Variants in GRID2 observed in about 807,000 individuals in gnomAD.
GRID2 encodes glutamate ionotropic receptor delta type subunit 2.
A neutral mutation model predicts 114.8 loss-of-function variants in GRID2; 33 were observed. The observed-to-expected ratio is 0.29, with a 90% CI of 0.22 to 0.38. The LOEUF (loss-of-function observed/expected upper bound fraction) is 0.38, where lower values mean the gene tolerates loss of function less well. Among genes scored for constraint, GRID2 ranks in the 10% least tolerant of loss-of-function variants. The pLI is 1.00. For synonymous variants in GRID2, 505 were observed against 449.9 expected (o/e 1.12, Z -1.55); for missense variants, 1,184 against 1,257.7 (o/e 0.94, Z 0.89).
chr4:92,843,684 G>A (rs913131861), intron 2 of GRID2, among the ~76,000 whole-genome samples: 2 of 152,024 alleles, frequency 1.3e-5, no homozygotes, highest in Non-Finnish European at 2.9e-5. Flanking sequence ...TCTGTTGAAC[G>A]ACTTGAGGAA....
At chr4:92,597,270 T>C (rs945119768) in intron 2 of GRID2, among the ~76,000 whole-genome samples, 3 of 152,136 alleles carry the variant, frequency 2.0e-5, no homozygotes, top group African/African-American at 7.2e-5. Context: ...TTAATGAAGA[T>C]ACAAATTGCA....
chr4:92,768,303 C>A (rs1012763637), intron 2 of GRID2, among the ~76,000 whole-genome samples: 2 of 151,874 alleles, frequency 1.3e-5, no homozygotes, highest in African/African-American at 4.8e-5. Flanking sequence ...TTATTTTTTA[C>A]CTTTGAAAAA....
chr4:92,910,786 C>A (rs895183934), intron 2 of GRID2, among the ~76,000 whole-genome samples: 1 of 152,020 alleles, frequency 6.6e-6, no homozygotes, highest in Non-Finnish European at 1.5e-5. Context: ...TTTAAATCAT[C>A]TCTAGCTCAC....
intron 3 of GRID2, among the ~76,000 whole-genome samples, chr4:93,092,243 C>G (rs1730855078): frequency 6.6e-6 from 1 of 152,068 alleles, no homozygotes; most frequent in Admixed American, 6.6e-5. Flanking sequence ...ATACATTTGT[C>G]AGGCTGAAAA....
chr4:92,506,962 C>T (rs1244833860), intron 1 of GRID2, among the ~76,000 whole-genome samples: 1 of 151,902 alleles, frequency 6.6e-6, no homozygotes, highest in African/African-American at 2.4e-5. Flanking sequence ...GCTTCTACTG[C>T]TAAATGGATT....
chr4:92,455,157 A>G (rs888794865), intron 1 of GRID2, among the ~76,000 whole-genome samples: 5 of 152,208 alleles, frequency 3.3e-5, no homozygotes, highest in Non-Finnish European at 4.4e-5. Flanking sequence ...AAGGCACTAG[A>G]ATTTATGTGA....
chr4:93,011,191 G>T (rs1055191534), intron 2 of GRID2, among the ~76,000 whole-genome samples: 3 of 151,300 alleles, frequency 2.0e-5, no homozygotes, highest in Non-Finnish European at 4.4e-5. Flanking sequence ...GGAAGGAAGA[G>T]AATTTTCATC....
intron 2 of GRID2, among the ~76,000 whole-genome samples, chr4:92,766,787 T>A (rs1738291764): frequency 6.6e-6 from 1 of 152,202 alleles, no homozygotes; most frequent in African/African-American, 2.4e-5. Flanking sequence ...GAGAAATAAC[T>A]TTATCTCTGT....
chr4:93,057,428 T>TTTG (rs560484953), intron 2 of GRID2, among the ~76,000 whole-genome samples: 1 of 151,868 alleles, frequency 6.6e-6, no homozygotes, highest in African/African-American at 2.4e-5. Flanking sequence ...CTTTGAATTT[T>TTTG]TTGTTGTTGT....
chr4:92,600,003 C>A (rs184021329), intron 2 of GRID2, among the ~76,000 whole-genome samples: 1 of 130,032 alleles, frequency 7.7e-6, no homozygotes, highest in South Asian at 2.5e-4. Flanking sequence ...CCAGCCTGGG[C>A]GACAGGGCAA....
At chr4:93,804,782 C>T (rs1389708049) in intron 1 of GRID2, among the ~76,000 whole-genome samples, 1 of 152,168 alleles carries the variant, frequency 6.6e-6, no homozygotes, top group African/African-American at 2.4e-5. Context: ...TTTCAAAAGC[C>T]TAGCCATCCC....
intron 2 of GRID2, among the ~76,000 whole-genome samples, chr4:92,954,257 A>G (rs1752231196): frequency 6.6e-6 from 1 of 152,138 alleles, no homozygotes. Context: ...AAACACATAC[A>G]CACATATATA....
chr4:92,489,716 C>G (rs924518494), intron 1 of GRID2, among the ~76,000 whole-genome samples: 1 of 151,716 alleles, frequency 6.6e-6, no homozygotes, highest in Non-Finnish European at 1.5e-5. Context: ...GGTGGTGGTG[C>G]GCGCCTGTAA....
chr4:93,593,117 T>A (rs1302540876), intron 13 of GRID2, among the ~76,000 whole-genome samples: 3 of 152,026 alleles, frequency 2.0e-5, no homozygotes, highest in African/African-American at 7.2e-5. Flanking sequence ...TAGCTGGTTA[T>A]TTTGCTTGTT....
chr4:92,993,033 A>G (rs988443083), intron 2 of GRID2, among the ~76,000 whole-genome samples: 10 of 152,126 alleles, frequency 6.6e-5, no homozygotes, highest in African/African-American at 2.4e-4. Context: ...AAAATAATCA[A>G]TATGCTCAGG....
intron 8 of GRID2, among the ~76,000 whole-genome samples, chr4:93,304,388 C>T (rs1282386094): frequency 6.6e-6 from 1 of 151,412 alleles, no homozygotes; most frequent in Admixed American, 6.6e-5. Flanking sequence ...GTCAAACAGA[C>T]AAGACAACAC....
At chr4:93,238,571 G>A (rs1747087341) in intron 8 of GRID2, 81 bp downstream of exon 8, 6 of 1,155,102 alleles carry the variant, frequency 5.2e-6, no homozygotes, top group Non-Finnish European at 7.4e-6. Context: ...TATGATCACA[G>A]TACCCATTAA....
chr4:92,548,401 A>ATTTTTTTTTTTTTTTTTTTGTTTTTTT (rs61653263), intron 1 of GRID2, among the ~76,000 whole-genome samples: 1 of 60,808 alleles, frequency 1.6e-5, no homozygotes, highest in Non-Finnish European at 2.7e-5. Flanking sequence ...AGACTGTGTA[A>ATTTTTTTTTTTTTTTTTTTGTTTTTTT]TTTTTTTTTT....
intron 2 of GRID2, among the ~76,000 whole-genome samples, chr4:92,812,672 G>C (rs1463376930): frequency 1.3e-5 from 2 of 152,022 alleles, no homozygotes; most frequent in African/African-American, 2.4e-5. Flanking sequence ...AAGATCACTA[G>C]CATCAGATGA....
Sources: allele counts gnomAD v4.1 joint callset (sites outside exome capture counted in the v4.1 genomes callset), GRCh38; gene constraint gnomAD v4.1.1; transcripts MANE v1.5; gene names NCBI Gene and HGNC (gene_info 2026-07-23, HGNC 2026-07-21).